RBMS3: variants seen among roughly 807,000 people sequenced by gnomAD.
The protein encoded by RBMS3 is RNA binding motif single stranded interacting protein 3, also known as RNA-binding motif, single-stranded-interacting protein 3.
Under a neutral mutation model 66.8 loss-of-function variants are expected in RBMS3, and 27 were observed. The observed-to-expected ratio is 0.40, with a 90% CI of 0.30 to 0.56. RBMS3 has a LOEUF of 0.56. Ranked by LOEUF, RBMS3 falls within the 20% of genes least tolerant of loss-of-function variation. The probability of loss-of-function intolerance (pLI) is 0.40; values close to 1 mark genes in which losing one functional copy is unlikely to be tolerated. For synonymous variants in RBMS3, 188 were observed against 183.0 expected, an observed-to-expected ratio of 1.03 and a Z score of -0.22; for missense variants, 513 against 549.5, an observed-to-expected ratio of 0.93 and a Z score of 0.66.
At chr3:29,522,039 T>G (rs2044880551) in intron 3 of RBMS3, among the ~76,000 whole-genome samples, 1 of 152,206 alleles carries the variant, frequency 6.6e-6, no homozygotes, top group Non-Finnish European at 1.5e-5. Context: ...AGACCTAGCA[T>G]GCTATAAAAT....
At chr3:29,729,542 A>G (rs1294582415) in intron 4 of RBMS3, among the ~76,000 whole-genome samples, 2 of 152,150 alleles carry the variant, frequency 1.3e-5, no homozygotes, top group African/African-American at 2.4e-5. Flanking sequence ...TTCTAGTTCT[A>G]GATGCTTGAG....
intron 9 of RBMS3, among the ~76,000 whole-genome samples, chr3:29,898,736 C>CGT (rs3072651): frequency 0.045 from 6,475 of 142,416 alleles, 284 homozygotes; most frequent in East Asian, 0.22. Flanking sequence ...TTGTAATGTG[C>CGT]GTGTGTGTGT....
chr3:29,891,496 C>CT (rs1185814941), intron 8 of RBMS3, among the ~76,000 whole-genome samples: 2 of 151,550 alleles, frequency 1.3e-5, no homozygotes, highest in African/African-American at 4.8e-5. Context: ...TGGTAAAACT[C>CT]TAATTTGTTT....
chr3:29,845,506 G>C (rs891005992), intron 6 of RBMS3, among the ~76,000 whole-genome samples: 4 of 152,132 alleles, frequency 2.6e-5, no homozygotes, highest in African/African-American at 9.7e-5. Flanking sequence ...TATTATAACA[G>C]TGTTGAGATT....
chr3:29,608,181 A>G (rs1377248601), intron 4 of RBMS3, among the ~76,000 whole-genome samples: 2 of 151,898 alleles, frequency 1.3e-5, no homozygotes, highest in East Asian at 1.9e-4. Context: ...TCACCTATAT[A>G]TATTTTACCA....
chr3:29,782,696 C>CA (rs1363781438), intron 6 of RBMS3, among the ~76,000 whole-genome samples: 2 of 151,756 alleles, frequency 1.3e-5, no homozygotes, highest in East Asian at 1.9e-4. Context: ...TCTGAATTGC[C>CA]AAAAAAAGAA....
chr3:29,691,636 T>C (rs1353179110), intron 4 of RBMS3, among the ~76,000 whole-genome samples: 1 of 152,220 alleles, frequency 6.6e-6, no homozygotes, highest in African/African-American at 2.4e-5. Flanking sequence ...GCTTAATTCA[T>C]GACACTTGTG....
At chr3:29,750,442 A>G (rs1284551727) in intron 5 of RBMS3, among the ~76,000 whole-genome samples, 3 of 152,204 alleles carry the variant, frequency 2.0e-5, no homozygotes, top group African/African-American at 7.2e-5. Context: ...TAATATAATA[A>G]TCATAATTAT....
In RBMS3 at chr3:29,946,225, G is replaced by C. The variant is rs140324360; in HGVS notation, c.1098+1971G>C. Among the ~76,000 whole-genome samples the C allele has an allele frequency of 5.3e-5, 8 of 151,778 alleles. No individual in the cohort carries two copies. In the East Asian group the frequency reaches 1.4e-3, roughly 26 times the overall value. ...CAACTTCAATGACTTTTGAGAAATT[G>C]AATCTGCTTTTCTCAATCCTTGGCC... On this transcript the variant is annotated intron_variant, in intron 12 of 14. Coordinates refer to ENST00000383767, the MANE Select transcript of RBMS3 (RefSeq NM_001003793.3).
intron 3 of RBMS3, among the ~76,000 whole-genome samples, chr3:29,542,602 C>T (rs1319897382): frequency 6.6e-6 from 1 of 152,184 alleles, no homozygotes; most frequent in Non-Finnish European, 1.5e-5. Context: ...CTCAGGTGAT[C>T]TGCCTGCCTT....
intron 3 of RBMS3, among the ~76,000 whole-genome samples, chr3:29,500,654 G>T (rs2043933383): frequency 6.6e-6 from 1 of 151,980 alleles, no homozygotes; most frequent in Admixed American, 6.6e-5. Context: ...CAGGTTTGTA[G>T]CCTAGGAGTA....
At chr3:29,468,115 A>G (rs2042601184) in intron 2 of RBMS3, among the ~76,000 whole-genome samples, 1 of 152,152 alleles carries the variant, frequency 6.6e-6, no homozygotes, top group Non-Finnish European at 1.5e-5. Flanking sequence ...TGTGACAATG[A>G]AAATGGCTTC....
chr3:29,479,145 CTT>C (rs1264000278), intron 2 of RBMS3, among the ~76,000 whole-genome samples: 4 of 151,960 alleles, frequency 2.6e-5, no homozygotes, highest in Non-Finnish European at 4.4e-5. Context: ...AGTCAAGTAA[CTT>C]AATATACCTA....
chr3:29,386,050 C>T (rs953656858), intron 1 of RBMS3, among the ~76,000 whole-genome samples: 16 of 152,072 alleles, frequency 1.1e-4, no homozygotes, highest in African/African-American at 3.1e-4. Flanking sequence ...ATCCTTATAC[C>T]GTTGCTTATA....
intron 8 of RBMS3, among the ~76,000 whole-genome samples, chr3:29,894,416 C>A (rs192823752): frequency 4.7e-4 from 71 of 151,476 alleles, no homozygotes; most frequent in African/African-American, 1.7e-3. Flanking sequence ...GGGGTCTCAC[C>A]ATGTTGTTCA....
rs1439568027 is a variant in RBMS3 at position 29,722,277 on chromosome 3, C to T, written c.400-17443C>T. ...CATAATACTTTTCACCCAAATTTTC[C>T]ACGTACTAACATCTCTTACATTTGC... On this transcript the variant is annotated intron_variant, in intron 4 of 14. Transcript: ENST00000383767. Among the ~76,000 whole-genome samples the T allele has an allele frequency of 1.3e-5, 2 of 151,834 alleles. 1 individual carries two copies. Among genetic ancestry groups the T allele is most frequent in the Admixed American group, 1.3e-4 (2 of 15,224 alleles).
intron 1 of RBMS3, among the ~76,000 whole-genome samples, chr3:29,380,115 A>T (rs914402477): frequency 6.6e-6 from 1 of 152,106 alleles, no homozygotes; most frequent in Admixed American, 6.6e-5. Context: ...TATGAAGCTT[A>T]AAATAAATAG....
At chr3:29,286,450 C>A (rs2032344280) in intron 1 of RBMS3, among the ~76,000 whole-genome samples, 1 of 151,894 alleles carries the variant, frequency 6.6e-6, no homozygotes, top group South Asian at 2.1e-4. Flanking sequence ...GTAAAAAGTT[C>A]ATGGTATTTT....
At chr3:29,682,253 C>G (rs1233936251) in intron 4 of RBMS3, among the ~76,000 whole-genome samples, 1 of 152,212 alleles carries the variant, frequency 6.6e-6, no homozygotes, top group Admixed American at 6.5e-5. Flanking sequence ...TCAAGTGGTT[C>G]TCTTGCCTCA....
Sources: gnomAD v4.1 joint callset for allele counts (sites outside exome capture counted in the v4.1 genomes callset) on GRCh38, gnomAD v4.1.1 for gene constraint, MANE v1.5 for transcripts, NCBI Gene and HGNC (gene_info 2026-07-23, HGNC 2026-07-21) for gene names.